The following EFNA5 variants were observed in gnomAD, a reference collection of about 807,000 sequenced individuals.
EFNA5 encodes the protein ephrin A5, also known as ephrin-A5.
A neutral mutation model predicts 22.9 loss-of-function variants in EFNA5; 5 were observed. The ratio of observed to expected loss-of-function variants is 0.22; its 90% CI spans 0.11 to 0.46. The LOEUF is 0.46. EFNA5 is among the 20% of genes least tolerant of loss of function. The pLI is 0.99. For synonymous variants in EFNA5, 113 were observed against 112.2 expected (o/e 1.01, Z -0.04); for missense variants, 237 against 293.3 (o/e 0.81, Z 1.40).
In EFNA5 at chr5:107,439,149, G is replaced by A. The variant is rs1561386735; in HGVS notation, c.126-11640C>T. Among the ~76,000 whole-genome samples the A allele has an allele frequency of 4.6e-5, 7 of 152,076 alleles. No homozygotes were observed. The South Asian group carries it at 1.2e-3, about 27-fold the overall frequency. Reference sequence around the variant, plus strand: ...AGGGTCTTTTTTGGAAGTAATTAAGGTTAAATGAAGTCACAAGGGTGGGGC... The same window carrying A: ...AGGGTCTTTTTTGGAAGTAATTAAGATTAAATGAAGTCACAAGGGTGGGGC... On this transcript the variant is annotated intron_variant, in intron 1 of 4. Coordinates refer to ENST00000333274, the MANE Select transcript of EFNA5 (RefSeq NM_001962.3).
rs893032284 is a variant in EFNA5, at chr5:107,433,032, A to G, written c.126-5523T>C. 2.0e-5 allele frequency among the ~76,000 whole-genome samples: 3 copies of G among 152,336 alleles called. No homozygotes were observed. The South Asian group carries it at 6.2e-4, about 32-fold the overall frequency. On this transcript the variant is annotated intron_variant, in intron 1 of 4. Coordinates refer to ENST00000333274, the MANE Select transcript of EFNA5 (RefSeq NM_001962.3). Reference sequence around the variant, plus strand: ...TTACTTGATTATAAGAATATAGTATATATGTTTAACATAGAAAATATGCAT... The same window carrying G: ...TTACTTGATTATAAGAATATAGTATGTATGTTTAACATAGAAAATATGCAT...
At chr5:107,426,324 T>C (rs1748808888) in intron 2 of EFNA5, among the ~76,000 whole-genome samples, 1 of 152,218 alleles carries the variant, frequency 6.6e-6, no homozygotes, top group Non-Finnish European at 1.5e-5. Flanking sequence ...TTAAAGTAGC[T>C]ACCACCTATA....
intron 1 of EFNA5, among the ~76,000 whole-genome samples, chr5:107,618,549 T>C (rs1179512255): frequency 6.6e-6 from 1 of 152,228 alleles, no homozygotes; most frequent in African/African-American, 2.4e-5. Flanking sequence ...TTTGGCATAA[T>C]CTTCAGAAAT....
At chr5:107,486,980 G>T (rs935187781) in intron 1 of EFNA5, among the ~76,000 whole-genome samples, 20 of 152,282 alleles carry the variant, frequency 1.3e-4, no homozygotes, top group Admixed American at 7.2e-4. Flanking sequence ...ATTGCTGCTA[G>T]AGCATTCTAA....
At chr5:107,593,331 C>T (rs1362155770) in intron 1 of EFNA5, among the ~76,000 whole-genome samples, 1 of 152,176 alleles carries the variant, frequency 6.6e-6, no homozygotes, top group Non-Finnish European at 1.5e-5. Context: ...CATTCTGTGG[C>T]TTTGCACCAG....
At chr5:107,629,122 C>T (rs551736956) in intron 1 of EFNA5, among the ~76,000 whole-genome samples, 1 of 152,042 alleles carries the variant, frequency 6.6e-6, no homozygotes, top group Non-Finnish European at 1.5e-5. Context: ...AAAATTACTA[C>T]GTGCATGTAT....
chr5:107,400,340 C>T (rs1245427899), intron 2 of EFNA5, among the ~76,000 whole-genome samples: 1 of 144,998 alleles, frequency 6.9e-6, no homozygotes, highest in East Asian at 1.9e-4. Flanking sequence ...TTTAAATAAA[C>T]ATTTTACAGA....
intron 2 of EFNA5, among the ~76,000 whole-genome samples, chr5:107,425,365 G>A (rs933894019): frequency 6.6e-6 from 1 of 152,194 alleles, no homozygotes; most frequent in African/African-American, 2.4e-5. Context: ...AATCTGAGAA[G>A]CCAGTAAGAA....
intron 1 of EFNA5, among the ~76,000 whole-genome samples, chr5:107,634,115 T>C (rs1750319996): frequency 6.6e-6 from 1 of 152,214 alleles, no homozygotes; most frequent in Non-Finnish European, 1.5e-5. Context: ...GGATAACAGA[T>C]ACAGTAGAGG....
intron 1 of EFNA5, among the ~76,000 whole-genome samples, chr5:107,542,064 G>A (rs898124256): frequency 5.9e-5 from 9 of 151,990 alleles, no homozygotes; most frequent in Admixed American, 4.6e-4. Context: ...AACAAATCAC[G>A]ACATTTTGTT....
intron 1 of EFNA5, among the ~76,000 whole-genome samples, chr5:107,428,866 G>A (rs1748874581): frequency 6.6e-6 from 1 of 152,130 alleles, no homozygotes; most frequent in Non-Finnish European, 1.5e-5. Flanking sequence ...TCTGCTGCCT[G>A]GAATTACAAA....
intron 1 of EFNA5, among the ~76,000 whole-genome samples, chr5:107,563,435 A>G (rs1353974291): frequency 6.6e-6 from 1 of 151,772 alleles, no homozygotes; most frequent in Non-Finnish European, 1.5e-5. Flanking sequence ...AGTTATTATT[A>G]TTATTATTGT....
chr5:107,644,106 C>A (rs1020581809), intron 1 of EFNA5, among the ~76,000 whole-genome samples: 3 of 151,980 alleles, frequency 2.0e-5, no homozygotes, highest in Non-Finnish European at 4.4e-5. Flanking sequence ...TTAAGTTAAG[C>A]TGATTAATAA....
At chr5:107,504,218 G>C (rs572182419) in intron 1 of EFNA5, among the ~76,000 whole-genome samples, 1 of 152,104 alleles carries the variant, frequency 6.6e-6, no homozygotes, top group African/African-American at 2.4e-5. Flanking sequence ...ACTAAAAAAA[G>C]AGCTTCATTC....
intron 1 of EFNA5, among the ~76,000 whole-genome samples, chr5:107,522,210 G>A (rs1387351228): frequency 6.6e-6 from 1 of 152,034 alleles, no homozygotes; most frequent in Non-Finnish European, 1.5e-5. Flanking sequence ...GCATATTATT[G>A]GGGGATAATA....
intron 1 of EFNA5, among the ~76,000 whole-genome samples, chr5:107,461,537 C>T (rs1466513088): frequency 1.3e-5 from 2 of 151,792 alleles, no homozygotes; most frequent in Admixed American, 1.3e-4. Flanking sequence ...CAAGAGAGGA[C>T]GGGGGAGAAA....
chr5:107,507,486 A>G (rs1219321426), intron 1 of EFNA5, among the ~76,000 whole-genome samples: 2 of 152,236 alleles, frequency 1.3e-5, no homozygotes, highest in African/African-American at 2.4e-5. Context: ...TTAGCAGCCT[A>G]TATTAATTAA....
At chr5:107,413,447 A>C (rs2112404830) in intron 2 of EFNA5, among the ~76,000 whole-genome samples, 1 of 152,298 alleles carries the variant, frequency 6.6e-6, no homozygotes, top group East Asian at 1.9e-4. Context: ...CACAAAAGGC[A>C]CAGACAATGG....
At chr5:107,476,907 T>C (rs766506650) in intron 1 of EFNA5, among the ~76,000 whole-genome samples, 17 of 152,286 alleles carry the variant, frequency 1.1e-4, no homozygotes, top group South Asian at 4.1e-4. Context: ...ACACCTTATA[T>C]AGCTTAAAAA....
Sources: gnomAD v4.1 joint callset for allele counts (sites outside exome capture counted in the v4.1 genomes callset) on GRCh38, gnomAD v4.1.1 for gene constraint, MANE v1.5 for transcripts, NCBI Gene and HGNC (gene_info 2026-07-23, HGNC 2026-07-21) for gene names.